The following CELF2 variants were observed in gnomAD, a reference collection of about 807,000 sequenced individuals.
CELF2 encodes the protein CUG triplet repeat RNA-binding protein 2.
Under a neutral mutation model 62.6 loss-of-function variants are expected in CELF2, and 8 were observed. That is an observed-to-expected ratio of 0.13 (90% CI 0.07 to 0.23). CELF2 has a LOEUF of 0.23. Among genes scored for constraint, CELF2 ranks in the 10% least tolerant of loss-of-function variants. CELF2 has a pLI of 1.00. For synonymous variants in CELF2, 258 were observed against 250.0 expected (o/e 1.03, Z -0.30); for missense variants, 333 against 671.0 (o/e 0.50, Z 5.56).
At chr10:10,683,943 A>T in the CELF2 span, among the ~76,000 whole-genome samples, 1 of 151,966 alleles carries the variant, frequency 6.6e-6, no homozygotes, top group South Asian at 2.1e-4. Context: ...TTTCCTCTTG[A>T]CTGTTTCTCT....
chr10:11,127,374 A>G (rs1303910630), intron 1 of CELF2, among the ~76,000 whole-genome samples: 1 of 152,182 alleles, frequency 6.6e-6, no homozygotes, highest in African/African-American at 2.4e-5. Context: ...GTGTCTTCAT[A>G]CTAGCATGAT....
chr10:11,057,188 G>A (rs186895525), intron 1 of CELF2, among the ~76,000 whole-genome samples: 16 of 151,978 alleles, frequency 1.1e-4, no homozygotes, highest in Admixed American at 8.5e-4. Context: ...TCCCAGACCC[G>A]ACTTCCATGA....
At chr10:11,018,219 G>A (rs952261245) in intron 1 of CELF2, 56 bp downstream of exon 1, 57 of 1,448,232 alleles carry the variant, frequency 3.9e-5, no homozygotes, top group Non-Finnish European at 5.0e-5. Context: ...CCCAGAGTCG[G>A]CGGCGCGAAG....
In CELF2 at chr10:11,211,811, AGAGTGT is replaced by A. The variant is rs1468562952; in HGVS notation, c.272-5612_272-5607del. Reference sequence around the variant, plus strand: ...GTGTGTGAGAGAGAGAGAGAGAGAGAGAGTGTGTGTGTGTGTGTGTGTGTGTGTGTG... The same window carrying A: ...GTGTGTGAGAGAGAGAGAGAGAGAGAGTGTGTGTGTGTGTGTGTGTGTGTG... On this transcript the variant is annotated intron_variant, in intron 2 of 12. Transcript: ENST00000633077. This position sits in a 1 kb window ranked among gnomAD's most constrained non-coding sequence, Gnocchi z 4.8. 0.041 allele frequency among the ~76,000 whole-genome samples: 2,283 copies of A among 55,840 alleles called. 16 individuals carry two copies. Among genetic ancestry groups the A allele is most frequent in the Middle Eastern group, 0.073 (7 of 96 alleles). 36.6% of individuals were successfully genotyped at this position (55,840 alleles called of 152,430 possible).
chr10:11,085,737 C>T (rs1237870836), intron 1 of CELF2, among the ~76,000 whole-genome samples: 3 of 152,206 alleles, frequency 2.0e-5, no homozygotes, highest in African/African-American at 4.8e-5. Context: ...GTCCCCACCT[C>T]CCCATCTGCC....
chr10:10,901,318 A>T (rs1436200645), intron 1 of CELF2, among the ~76,000 whole-genome samples: 1 of 152,230 alleles, frequency 6.6e-6, no homozygotes, highest in Non-Finnish European at 1.5e-5. Flanking sequence ...ACACAGAGAT[A>T]GGTTAATCAA....
intron 1 of CELF2, among the ~76,000 whole-genome samples, chr10:11,059,359 G>A (rs929174514): frequency 7.9e-5 from 12 of 152,274 alleles, no homozygotes; most frequent in Middle Eastern, 3.4e-3. Context: ...TGATCATTTG[G>A]CCTGGTAATT....
the CELF2 span, among the ~76,000 whole-genome samples, chr10:10,499,675 C>T: frequency 3.3e-5 from 5 of 152,214 alleles, no homozygotes; most frequent in South Asian, 2.1e-4. Flanking sequence ...GTCAAGAGTT[C>T]GAGACCAGCC....
intron 2 of CELF2, among the ~76,000 whole-genome samples, chr10:11,179,967 C>T (rs1403394058): frequency 6.6e-6 from 1 of 152,186 alleles, no homozygotes; most frequent in African/African-American, 2.4e-5. Flanking sequence ...TTCACTCGGA[C>T]TCCTAGCCCC....
intron 2 of CELF2, among the ~76,000 whole-genome samples, chr10:10,970,415 T>G (rs926020286): frequency 3.3e-5 from 5 of 152,096 alleles, no homozygotes; most frequent in Non-Finnish European, 1.5e-5. Context: ...AGTGGAATGT[T>G]AAAGAGGAAA....
chr10:11,318,173 CTGAT>C lies in CELF2; in HGVS notation c.1097-3013_1097-3010del, dbSNP rs997563428. On this transcript the variant is annotated intron_variant, in intron 10 of 12. Transcript: ENST00000633077. This position sits in a 1 kb window ranked among gnomAD's most constrained non-coding sequence, Gnocchi z 5.4. ...TGTTCTCAGAAGTGGAAGGCCGCCT[CTGAT>C]TGTTCTTCAAACCCTACCAGGTTTT... is the stretch of plus-strand genomic sequence containing the variant. 1 of 153,320 alleles carries C rather than the reference CTGAT, an allele frequency of 6.5e-6. No homozygotes were observed. The highest frequency in any genetic ancestry group is 2.4e-5 in the African/African-American group (1 of 41,440). 9.5% of individuals were successfully genotyped at this position (153,320 alleles called of 1,614,324 possible). A position where few individuals can be genotyped will look rare whatever the true frequency, so the allele number is the denominator to read the frequency against.
At chr10:10,603,411 A>G in the CELF2 span, among the ~76,000 whole-genome samples, 1 of 152,192 alleles carries the variant, frequency 6.6e-6, no homozygotes, top group African/African-American at 2.4e-5. Context: ...CACAGAATGA[A>G]TGAACAGCTG....
the CELF2 span, among the ~76,000 whole-genome samples, chr10:10,572,336 C>CTT: frequency 1.8e-4 from 19 of 107,358 alleles, no homozygotes; most frequent in African/African-American, 5.1e-4. Flanking sequence ...TTGGTTTTTT[C>CTT]TTTTTTTTTT....
At chr10:10,750,834 C>T in the CELF2 span, among the ~76,000 whole-genome samples, 1 of 152,214 alleles carries the variant, frequency 6.6e-6, no homozygotes, top group Admixed American at 6.5e-5. Flanking sequence ...CCTTGAAACT[C>T]AAGTGGTGAG....
the CELF2 span, among the ~76,000 whole-genome samples, chr10:10,473,095 C>A: frequency 0.33 from 50,380 of 151,850 alleles, 9,026 homozygotes; most frequent in Admixed American, 0.42. Context: ...GTCATAATTT[C>A]CATTGTCTAA....
At chr10:10,572,552 C>T in the CELF2 span, among the ~76,000 whole-genome samples, 2 of 151,810 alleles carry the variant, frequency 1.3e-5, no homozygotes, top group East Asian at 2.0e-4. Context: ...GTTCCACTCC[C>T]TGTGTCTATG....
At chr10:11,093,814 A>G (rs2049013009) in intron 1 of CELF2, among the ~76,000 whole-genome samples, 1 of 152,180 alleles carries the variant, frequency 6.6e-6, no homozygotes, top group Non-Finnish European at 1.5e-5. Context: ...TACAGTTAGA[A>G]CTCCAGAATG....
intron 2 of CELF2, among the ~76,000 whole-genome samples, chr10:10,958,097 C>T (rs904534589): frequency 1.3e-5 from 2 of 152,076 alleles, no homozygotes; most frequent in African/African-American, 4.8e-5. Context: ...AGACTAAAAG[C>T]GTGTATTGGT....
the CELF2 span, among the ~76,000 whole-genome samples, chr10:10,672,508 T>G: frequency 6.6e-6 from 1 of 151,272 alleles, no homozygotes; most frequent in Admixed American, 6.6e-5. Flanking sequence ...TTTTTTTAAT[T>G]GCATATGCAT....
Sources: allele counts gnomAD v4.1 joint callset (sites outside exome capture counted in the v4.1 genomes callset), GRCh38; gene constraint gnomAD v4.1.1; non-coding constraint Gnocchi (gnomAD v3.1); transcripts MANE v1.5; gene names NCBI Gene and HGNC (gene_info 2026-07-23, HGNC 2026-07-21).